Variants in SLC10A7 observed in about 807,000 individuals in gnomAD.
The protein encoded by SLC10A7 is solute carrier family 10 member 7, also known as sodium/bile acid cotransporter 7.
In SLC10A7, 29 loss-of-function variants were observed where a neutral mutation model predicts 43.2. The observed-to-expected ratio is 0.67, with a 90% CI of 0.50 to 0.92. SLC10A7 has a LOEUF of 0.92. Ranked by LOEUF, SLC10A7 falls within the 40% of genes least tolerant of loss-of-function variation. The pLI is 0.00. For missense variants in SLC10A7, 295 were observed against 403.2 expected, an observed-to-expected ratio of 0.73 and a Z score of 2.30; for synonymous variants, 152 against 144.8, an observed-to-expected ratio of 1.05 and a Z score of -0.35.
intron 6 of SLC10A7, among the ~76,000 whole-genome samples, chr4:146,323,442 T>C (rs1268547112): frequency 6.6e-6 from 1 of 152,228 alleles, no homozygotes; most frequent in Non-Finnish European, 1.5e-5. Flanking sequence ...GCTTTCTACA[T>C]ATGGCTAGCC....
chr4:146,257,037 G>A (rs1727929436), intron 11 of SLC10A7: 1 of 804,440 alleles, frequency 1.2e-6, no homozygotes, highest in East Asian at 2.7e-5. Context: ...TAAATGTTTG[G>A]AAGAAAAATT....
At chr4:146,462,712 A>C (rs970601154) in intron 4 of SLC10A7, among the ~76,000 whole-genome samples, 2 of 152,194 alleles carry the variant, frequency 1.3e-5, no homozygotes, top group African/African-American at 4.8e-5. Flanking sequence ...TAGCTTAGTG[A>C]GCCATGCAAT....
intron 4 of SLC10A7, among the ~76,000 whole-genome samples, chr4:146,499,739 T>G (rs1221644106): frequency 6.6e-6 from 1 of 152,180 alleles, no homozygotes. Flanking sequence ...CATGAAGCTA[T>G]ACAATATAAA....
intron 5 of SLC10A7, among the ~76,000 whole-genome samples, chr4:146,385,444 TA>T (rs1172341231): frequency 6.6e-6 from 1 of 152,160 alleles, no homozygotes; most frequent in African/African-American, 2.4e-5. Context: ...AGGTTCAGCA[TA>T]TTTACTCATC....
chr4:146,442,821 C>A lies in SLC10A7; in HGVS notation c.397G>T (p.Ala133Ser). ...AAGGCTGAATTAAATATTGCAGCTG[C>A]CTATGAAGAAAATAAATAGGGGAAA... The part of the protein sequence containing the change: ...ILTKAVGGNE[A>S]AAIFNSAFGS... The change falls in exon 5 of 12, where the codon GCA (alanine) becomes TCA (serine). Residue 133 changes from alanine (A) to serine (S), a missense_variant and splice_region_variant. Around this residue, in one of 2 missense-constraint regions of SLC10A7, gnomAD observed 242 missense variants for 362.5 expected, o/e 0.67. Coordinates refer to ENST00000335472, the MANE Select transcript of SLC10A7 (RefSeq NM_001029998.6). The A allele has an allele frequency of 1.9e-6, 3 of 1,578,380 alleles. No homozygotes were observed. Among genetic ancestry groups the A allele is most frequent in the Non-Finnish European group, 2.6e-6 (3 of 1,165,452 alleles).
chr4:146,399,739 T>G (rs1739093845), intron 5 of SLC10A7, among the ~76,000 whole-genome samples: 1 of 152,030 alleles, frequency 6.6e-6, no homozygotes, highest in African/African-American at 2.4e-5. Flanking sequence ...GGGAGAGGCA[T>G]TCACTGAATT....
intron 4 of SLC10A7, among the ~76,000 whole-genome samples, chr4:146,451,822 T>C (rs1334256161): frequency 6.6e-6 from 1 of 152,052 alleles, no homozygotes; most frequent in Non-Finnish European, 1.5e-5. Flanking sequence ...AAGTGATATA[T>C]GCTTGATGGT....
At chr4:146,481,681 G>A (rs1460176194) in intron 4 of SLC10A7, among the ~76,000 whole-genome samples, 1 of 152,188 alleles carries the variant, frequency 6.6e-6, no homozygotes, top group Non-Finnish European at 1.5e-5. Flanking sequence ...GTATGCTTCA[G>A]AGCAACGGAC....
chr4:146,509,011 C>T (rs750981727), intron 3 of SLC10A7, among the ~76,000 whole-genome samples: 7 of 152,168 alleles, frequency 4.6e-5, no homozygotes, highest in Non-Finnish European at 7.3e-5. Context: ...CTTGATCCTG[C>T]CCTAGAGCCT....
chr4:146,436,141 T>C (rs997523960), intron 5 of SLC10A7, among the ~76,000 whole-genome samples: 6 of 152,136 alleles, frequency 3.9e-5, no homozygotes, highest in Non-Finnish European at 5.9e-5. Flanking sequence ...TATAATTAAA[T>C]CTGTGTCACA....
chr4:146,399,655 T>G (rs1739085987), intron 5 of SLC10A7, among the ~76,000 whole-genome samples: 1 of 152,210 alleles, frequency 6.6e-6, no homozygotes, highest in Admixed American at 6.5e-5. Context: ...TAGCATTTTC[T>G]GATAAATCAG....
intron 4 of SLC10A7, among the ~76,000 whole-genome samples, chr4:146,473,413 A>G (rs3914627): frequency 0.78 from 118,592 of 151,626 alleles, 46,698 homozygotes; most frequent in East Asian, 0.95. Context: ...TCCAAGCTAC[A>G]ATATATATCA....
chr4:146,272,069 T>C (rs1728932400), intron 10 of SLC10A7, among the ~76,000 whole-genome samples: 1 of 152,188 alleles, frequency 6.6e-6, no homozygotes, highest in Non-Finnish European at 1.5e-5. Context: ...GGGCAAGAAC[T>C]TTTTTGGTGT....
intron 5 of SLC10A7, among the ~76,000 whole-genome samples, chr4:146,404,868 C>T (rs537575349): frequency 1.3e-5 from 2 of 152,258 alleles, no homozygotes; most frequent in South Asian, 4.2e-4. Context: ...TACTGATATA[C>T]ATTGCAGTGG....
chr4:146,281,776 G>T (rs1388541662), intron 10 of SLC10A7, among the ~76,000 whole-genome samples: 1 of 152,162 alleles, frequency 6.6e-6, no homozygotes, highest in African/African-American at 2.4e-5. Context: ...TGGTAACATA[G>T]TTGTAACTAA....
At chr4:146,354,257 G>A (rs1735383244) in intron 5 of SLC10A7, among the ~76,000 whole-genome samples, 1 of 150,836 alleles carries the variant, frequency 6.6e-6, no homozygotes, top group Admixed American at 6.6e-5. Context: ...GACAAACAGA[G>A]AGCCAAATCA....
intron 5 of SLC10A7, among the ~76,000 whole-genome samples, chr4:146,433,731 G>A (rs1729972671): frequency 6.6e-6 from 1 of 151,896 alleles, no homozygotes; most frequent in African/African-American, 2.4e-5. Context: ...CAGGCAAGGT[G>A]GTGCATGCCT....
At chr4:146,355,854 A>T (rs1242121177) in intron 5 of SLC10A7, among the ~76,000 whole-genome samples, 1 of 120,156 alleles carries the variant, frequency 8.3e-6, no homozygotes, top group Non-Finnish European at 1.6e-5. Flanking sequence ...TCACATGGAC[A>T]CAGGAAGGGG....
chr4:146,426,602 G>A (rs1729371208), intron 5 of SLC10A7, among the ~76,000 whole-genome samples: 1 of 152,212 alleles, frequency 6.6e-6, no homozygotes, highest in Non-Finnish European at 1.5e-5. Flanking sequence ...GGCCATTTGT[G>A]CAGTGGCTCA....
Sources: gnomAD v4.1 joint callset for allele counts (sites outside exome capture counted in the v4.1 genomes callset) on GRCh38, gnomAD v4.1.1 for gene constraint, gnomAD v4.1.1 regional missense constraint, MANE v1.5 for transcripts, NCBI Gene and HGNC (gene_info 2026-07-23, HGNC 2026-07-21) for gene names.